The following ATP8A1 variants were observed in gnomAD, a reference collection of about 807,000 sequenced individuals.
ATP8A1 encodes phospholipid-transporting ATPase IA.
In ATP8A1, 90 loss-of-function variants were observed where a neutral mutation model predicts 177.7. The observed-to-expected ratio is 0.51, with a 90% CI of 0.43 to 0.60. ATP8A1 has a LOEUF of 0.60. Among genes scored for constraint, ATP8A1 ranks in the 20% least tolerant of loss-of-function variants. ATP8A1 has a pLI of 0.00. For missense variants in ATP8A1, 1,072 were observed against 1,392.8 expected, an observed-to-expected ratio of 0.77 and a Z score of 3.67; for synonymous variants, 493 against 485.9, an observed-to-expected ratio of 1.01 and a Z score of -0.19.
rs563571713 is a variant in ATP8A1 at position 42,603,044 on chromosome 4, T to C, written c.410-2526A>G. On this transcript the variant is annotated intron_variant, in intron 5 of 36. Coordinates refer to ENST00000381668, the MANE Select transcript of ATP8A1 (RefSeq NM_006095.2). ...TATCTCATATTAGTAATTATCCCAA[T>C]AGTAATACTTAGTTTTTTTTAAAAA... 3.9e-5 allele frequency among the ~76,000 whole-genome samples: 6 copies of C among 152,156 alleles called. No homozygotes were observed. The East Asian group carries it at 1.2e-3, about 29-fold the overall frequency.
intron 22 of ATP8A1, among the ~76,000 whole-genome samples, chr4:42,520,730 G>C (rs1578097047): frequency 1.3e-5 from 2 of 152,040 alleles, no homozygotes; most frequent in South Asian, 4.2e-4. Flanking sequence ...AGAATAAAAA[G>C]TTCAAATATA....
chr4:42,532,956 G>A (rs539723754), intron 20 of ATP8A1, among the ~76,000 whole-genome samples: 9 of 152,230 alleles, frequency 5.9e-5, no homozygotes, highest in African/African-American at 2.2e-4. Context: ...CCAAACCTAT[G>A]AGAACTAATG....
chr4:42,574,118 T>C (rs1732175704), intron 14 of ATP8A1, among the ~76,000 whole-genome samples: 1 of 152,186 alleles, frequency 6.6e-6, no homozygotes, highest in Non-Finnish European at 1.5e-5. Context: ...CTGATGATAT[T>C]AATTATCCTC....
chr4:42,486,109 A>G (rs537457466), intron 24 of ATP8A1, among the ~76,000 whole-genome samples: 9 of 152,300 alleles, frequency 5.9e-5, no homozygotes, highest in African/African-American at 2.2e-4. Flanking sequence ...TACACTGAAC[A>G]AAGGAGACAG....
chr4:42,419,521 A>G (rs1713622757), intron 35 of ATP8A1, among the ~76,000 whole-genome samples: 1 of 152,212 alleles, frequency 6.6e-6, no homozygotes, highest in African/African-American at 2.4e-5. Flanking sequence ...AATTGAATCT[A>G]CATTGGGTTT....
At chr4:42,455,253 C>T in intron 29 of ATP8A1, 44 bp downstream of exon 29, 1 of 1,608,150 alleles carries the variant, frequency 6.2e-7, no homozygotes, top group Non-Finnish European at 8.5e-7. Context: ...GGGCAGTAAA[C>T]ACAGACCCAC....
intron 27 of ATP8A1, among the ~76,000 whole-genome samples, chr4:42,463,955 T>C (rs994040340): frequency 3.3e-5 from 5 of 152,178 alleles, no homozygotes; most frequent in South Asian, 2.1e-4. Context: ...TTCTTCCTGA[T>C]TGCACTTCTT....
At chr4:42,471,045 T>A (rs1253801829) in intron 25 of ATP8A1, among the ~76,000 whole-genome samples, 2 of 152,010 alleles carry the variant, frequency 1.3e-5, no homozygotes, top group Non-Finnish European at 2.9e-5. Context: ...AATTTCACAT[T>A]GAGAAAAAAT....
chr4:42,443,066 G>A (rs1716805134), intron 33 of ATP8A1, among the ~76,000 whole-genome samples: 1 of 152,174 alleles, frequency 6.6e-6, no homozygotes, highest in African/African-American at 2.4e-5. Context: ...AGGCTGAAAT[G>A]TCAGATGCCC....
At chr4:42,436,097 A>G (rs982838729) in intron 33 of ATP8A1, among the ~76,000 whole-genome samples, 2 of 152,008 alleles carry the variant, frequency 1.3e-5, no homozygotes, top group African/African-American at 2.4e-5. Context: ...CAATGAATTG[A>G]CTCTAGGGCT....
At chr4:42,413,605 T>C (rs1036628257) in intron 36 of ATP8A1, among the ~76,000 whole-genome samples, 1 of 152,224 alleles carries the variant, frequency 6.6e-6, no homozygotes, top group Admixed American at 6.5e-5. Flanking sequence ...ATTTCTAGAT[T>C]ACTTATAATA....
Position 42,443,645 on chromosome 4 carries a change from T to A in ATP8A1, c.3043A>T (p.Ile1015Phe). The A allele has an allele frequency of 6.4e-7, 1 of 1,560,346 alleles. No homozygotes were observed. The highest frequency in any genetic ancestry group is 8.8e-7 in the Non-Finnish European group (1 of 1,131,034). Residue 1015 changes from isoleucine to phenylalanine, a missense_variant, in exon 33 of 37, where the codon ATC (isoleucine) becomes TTC (phenylalanine). Coordinates refer to ENST00000381668, the MANE Select transcript of ATP8A1 (RefSeq NM_006095.2). ...CCAAAAAACACCACCCAGAGTGCGA[T>A]GCTCCCCCATATCGCTATGTGGCTG... ...WFSHIAIWGS[I>F]ALWVVFFGIY...
At chr4:42,603,311 T>G (rs1267147423) in intron 5 of ATP8A1, among the ~76,000 whole-genome samples, 1 of 152,170 alleles carries the variant, frequency 6.6e-6, no homozygotes, top group African/African-American at 2.4e-5. Context: ...TTCTTGATAT[T>G]TTATGTTTTT....
chr4:42,424,519 G>T (rs959919004), intron 33 of ATP8A1, among the ~76,000 whole-genome samples: 1 of 151,914 alleles, frequency 6.6e-6, no homozygotes, highest in East Asian at 1.9e-4. Context: ...GCCAACTAAC[G>T]CATGCACATT....
At chr4:42,581,794 A>G in intron 9 of ATP8A1, 62 bp from the exon 10 acceptor site, 1 of 1,214,878 alleles carries the variant, frequency 8.2e-7, no homozygotes, top group South Asian at 1.3e-5. Context: ...AACTCTAGTT[A>G]CCATATAGTT....
At chr4:42,433,262 A>T (rs1488083040) in intron 33 of ATP8A1, among the ~76,000 whole-genome samples, 1 of 141,952 alleles carries the variant, frequency 7.0e-6, no homozygotes, top group Non-Finnish European at 1.5e-5. Flanking sequence ...TCCAAACAAC[A>T]GCTTGGGCGT....
intron 9 of ATP8A1, among the ~76,000 whole-genome samples, chr4:42,582,869 G>A (rs1733239136): frequency 6.6e-6 from 1 of 151,790 alleles, no homozygotes; most frequent in Non-Finnish European, 1.5e-5. Context: ...ACATAAGAAG[G>A]AACAAAGCCA....
chr4:42,622,325 T>C (rs916381430), intron 4 of ATP8A1, among the ~76,000 whole-genome samples: 52 of 151,782 alleles, frequency 3.4e-4, no homozygotes, highest in African/African-American at 1.2e-3. Context: ...GAGGTTGCAG[T>C]GAGCCAAGAT....
rs199691002 is a variant in ATP8A1 at position 42,471,631 on chromosome 4, TATAG to T, written c.2325-6559_2325-6556del. ...GCACTAAAAAGAGAACTCCGCCTAG[TATAG>T]ATATTTATTATGGTGTTCACACAAG... On this transcript the variant is annotated intron_variant, in intron 25 of 36. Transcript: ENST00000381668. Among the ~76,000 whole-genome samples the T allele has an allele frequency of 8.4e-3, 1,284 of 152,344 alleles. 8 individuals carry two copies. The highest frequency in any genetic ancestry group is 0.028 in the African/African-American group (1,153 of 41,584).
Sources: allele counts gnomAD v4.1 joint callset (sites outside exome capture counted in the v4.1 genomes callset), GRCh38; gene constraint gnomAD v4.1.1; transcripts MANE v1.5; gene names NCBI Gene and HGNC (gene_info 2026-07-23, HGNC 2026-07-21).